The following EYA2 variants were observed in gnomAD, a reference collection of about 807,000 sequenced individuals.
EYA2 encodes the protein EYA transcriptional coactivator and phosphatase 2, also known as protein phosphatase EYA2.
A neutral mutation model predicts 69.2 loss-of-function variants in EYA2; 31 were observed. That is an observed-to-expected ratio of 0.45 (90% CI 0.34 to 0.60). The LOEUF is 0.60. EYA2 is among the 20% of genes least tolerant of loss of function. The probability of loss-of-function intolerance (pLI) is 0.02; values close to 1 mark genes in which losing one functional copy is unlikely to be tolerated. For synonymous variants in EYA2, 257 were observed against 279.4 expected, an observed-to-expected ratio of 0.92 and a Z score of 0.80; for missense variants, 622 against 701.2, an observed-to-expected ratio of 0.89 and a Z score of 1.28.
intron 10 of EYA2, among the ~76,000 whole-genome samples, chr20:47,168,931 A>G (rs180759011): frequency 2.6e-5 from 4 of 152,258 alleles, no homozygotes; most frequent in African/African-American, 7.2e-5. Context: ...CTGCTCATTT[A>G]TAAGGAAACC....
rs1190877751 is a variant in EYA2, at chr20:47,169,062, G to C, written c.979-77G>C. 2.8e-6 allele frequency: 4 copies of C among 1,412,102 alleles called. No homozygotes were observed. In the South Asian group the frequency reaches 3.5e-5, roughly 12 times the overall value. The allele number at this position is 1,412,102 out of a possible 1,614,324, so 87.5% of individuals were successfully genotyped here. On this transcript the variant is annotated intron_variant, in intron 10 of 15. Coordinates refer to ENST00000327619, the MANE Select transcript of EYA2 (RefSeq NM_005244.5). ...GCTCATCCCAGCCCTCAGCTTATGA[G>C]GCCAACCCTTGAAGGCTACATCAGA... is the stretch of plus-strand genomic sequence containing the variant.
rs117357894 is a variant in EYA2, at chr20:47,062,004, C to A, written c.416-10181C>A. Among the ~76,000 whole-genome samples the A allele has an allele frequency of 7.1e-3, 1,086 of 152,286 alleles. 9 individuals carry two copies. The highest frequency in any genetic ancestry group is 0.025 in the East Asian group (127 of 5,178). ...TTCTTTCCACCTTGCTATGCCCCAG[C>A]TTGGGCTCCATGATCCACGATGGGA... On this transcript the variant is annotated intron_variant, in intron 5 of 15. Transcript: ENST00000327619.
chr20:47,157,344 A>C (rs2033972046), intron 10 of EYA2, among the ~76,000 whole-genome samples: 1 of 124,284 alleles, frequency 8.0e-6, no homozygotes, highest in African/African-American at 3.2e-5. Context: ...ACAGAGCAAG[A>C]CTCCGTCTCA....
intron 10 of EYA2, chr20:47,161,717 T>C (rs2034070982): frequency 5.1e-6 from 1 of 195,122 alleles, no homozygotes; most frequent in Non-Finnish European, 1.0e-5. Context: ...CAAAACCGGA[T>C]GTTTTCTTGG....
intron 1 of EYA2, among the ~76,000 whole-genome samples, chr20:46,981,218 A>T (rs906520782): frequency 3.3e-5 from 5 of 152,228 alleles, no homozygotes; most frequent in African/African-American, 1.2e-4. Flanking sequence ...TGTAAATGTG[A>T]TCAGGAAAAT....
intron 1 of EYA2, among the ~76,000 whole-genome samples, chr20:46,965,182 G>A (rs541371004): frequency 3.7e-4 from 57 of 152,264 alleles, no homozygotes; most frequent in Non-Finnish European, 6.9e-4. Flanking sequence ...CCCGACCTTG[G>A]TGAACCCTAA....
chr20:47,124,236 G>A (rs1325992773), intron 9 of EYA2, among the ~76,000 whole-genome samples: 1 of 152,154 alleles, frequency 6.6e-6, no homozygotes, highest in African/African-American at 2.4e-5. Flanking sequence ...GGTGGTAAAG[G>A]GTTACACCCT....
At chr20:47,060,002 GGTTTTATTTTTT>G (rs1190142444) in intron 5 of EYA2, among the ~76,000 whole-genome samples, 5 of 152,106 alleles carry the variant, frequency 3.3e-5, no homozygotes, top group African/African-American at 1.2e-4. Context: ...TTTTGTTTTT[GGTTTTATTTTTT>G]GGTCCAACTA....
chr20:47,185,299 TTTTTTTTTTTTTTTTTTTTG>T (rs1600782692), intron 15 of EYA2, among the ~76,000 whole-genome samples: 3 of 116,562 alleles, frequency 2.6e-5, no homozygotes, highest in African/African-American at 1.0e-4. Flanking sequence ...TTTTTTTTTT[TTTTTTTTTTTTTTTTTTTTG>T]AGACAGAATC....
chr20:47,096,461 C>G (rs781596652), intron 8 of EYA2, among the ~76,000 whole-genome samples: 4 of 152,138 alleles, frequency 2.6e-5, no homozygotes, highest in African/African-American at 4.8e-5. Flanking sequence ...AAGGTAGGGA[C>G]TCCCATATCG....
chr20:47,105,948 A>G (rs4810611), intron 9 of EYA2, among the ~76,000 whole-genome samples: 96,947 of 152,100 alleles, frequency 0.64, 31,172 homozygotes, highest in East Asian at 0.66. Flanking sequence ...GTTATTGTGC[A>G]ATGGGAACAG....
chr20:47,100,263 T>C (rs2032386919), intron 9 of EYA2, among the ~76,000 whole-genome samples: 1 of 152,192 alleles, frequency 6.6e-6, no homozygotes, highest in African/African-American at 2.4e-5. Context: ...ATCAGGAGAT[T>C]GCACAGACCA....
chr20:47,147,734 C>T (rs1214782225), intron 10 of EYA2, among the ~76,000 whole-genome samples: 1 of 152,090 alleles, frequency 6.6e-6, no homozygotes, highest in Non-Finnish European at 1.5e-5. Context: ...TTCCAGACTC[C>T]CAGGGGAAAG....
At chr20:47,090,229 CTTT>C (rs60732138) in intron 8 of EYA2, among the ~76,000 whole-genome samples, 2 of 122,066 alleles carry the variant, frequency 1.6e-5, no homozygotes. Flanking sequence ...ATGCTCCAAT[CTTT>C]TTTTTTTTTT....
At chr20:47,039,131 A>ACACACACACACGCG (rs1491238896) in intron 5 of EYA2, among the ~76,000 whole-genome samples, 3 of 98,620 alleles carry the variant, frequency 3.0e-5, no homozygotes, top group African/African-American at 9.9e-5. Context: ...ACACACACAC[A>ACACACACACACGCG]CGCGCGCACA....
chr20:47,028,136 C>T (rs1337341475), intron 5 of EYA2, among the ~76,000 whole-genome samples: 1 of 152,174 alleles, frequency 6.6e-6, no homozygotes, highest in South Asian at 2.1e-4. Context: ...AATGCACATA[C>T]TGAGGACAGG....
At chr20:47,016,845 A>G (rs1269713341) in intron 5 of EYA2, among the ~76,000 whole-genome samples, 1 of 152,234 alleles carries the variant, frequency 6.6e-6, no homozygotes, top group East Asian at 1.9e-4. Flanking sequence ...TTGGAGAAAG[A>G]GCAAGGCGCA....
Position 47,021,859 on chromosome 20 carries a change from T to TGGATTTAGAAAGTCTCTGTGTC in EYA2, c.415+5563_415+5584dup, listed in dbSNP as rs1983771094. On this transcript the variant is annotated intron_variant, in intron 5 of 15. Coordinates refer to ENST00000327619, the MANE Select transcript of EYA2 (RefSeq NM_005244.5). Reference sequence around the variant, plus strand: ...CGAGACCTCCGAGACTGGATTGTGTTGGATTTAGAAAGTCTCTGTGTCAGA... The same window carrying TGGATTTAGAAAGTCTCTGTGTC: ...CGAGACCTCCGAGACTGGATTGTGTTGGATTTAGAAAGTCTCTGTGTCGGATTTAGAAAGTCTCTGTGTCAGA... 3.3e-5 allele frequency among the ~76,000 whole-genome samples: 5 copies of TGGATTTAGAAAGTCTCTGTGTC among 151,436 alleles called. No individual in the cohort carries two copies. In the East Asian group the frequency reaches 9.7e-4, roughly 29 times the overall value.
chr20:47,135,322 T>C (rs2033437098), intron 9 of EYA2, among the ~76,000 whole-genome samples: 1 of 152,066 alleles, frequency 6.6e-6, no homozygotes, highest in Non-Finnish European at 1.5e-5. Context: ...AAGCCCATTT[T>C]ACAGATGAGA....
Sources: gnomAD v4.1 joint callset for allele counts (sites outside exome capture counted in the v4.1 genomes callset) on GRCh38, gnomAD v4.1.1 for gene constraint, MANE v1.5 for transcripts, NCBI Gene and HGNC (gene_info 2026-07-23, HGNC 2026-07-21) for gene names.